The following FHIT variants were observed in gnomAD, a reference collection of about 807,000 sequenced individuals.
FHIT encodes the protein fragile histidine triad diadenosine triphosphatase.
A neutral mutation model predicts 17.9 loss-of-function variants in FHIT; 19 were observed. The ratio of observed to expected loss-of-function variants is 1.06; its 90% CI spans 0.74 to 1.56. FHIT has a LOEUF of 1.56. FHIT is among the 40% of genes most tolerant of loss of function. FHIT has a pLI of 0.00. For synonymous variants in FHIT, 81 were observed against 69.7 expected, an observed-to-expected ratio of 1.16 and a Z score of -0.81; for missense variants, 248 against 189.2, an observed-to-expected ratio of 1.31 and a Z score of -1.82.
At chr3:60,777,993 C>A (rs190655680) in intron 4 of FHIT, among the ~76,000 whole-genome samples, 10 of 152,286 alleles carry the variant, frequency 6.6e-5, no homozygotes, top group Non-Finnish European at 1.0e-4. Context: ...CATGGCTTTT[C>A]AAATACTTCA....
At chr3:60,798,752 C>CTTTTTTTTTTTTTT (rs35159710) in intron 4 of FHIT, among the ~76,000 whole-genome samples, 2 of 105,476 alleles carry the variant, frequency 1.9e-5, no homozygotes, top group African/African-American at 3.5e-5. Flanking sequence ...ACTGCAATAG[C>CTTTTTTTTTTTTTT]TTTTTTTTTT....
Position 60,166,094 on chromosome 3 carries a change from T to C in FHIT, c.104-151942A>G, listed in dbSNP as rs188956695. On this transcript the variant is annotated intron_variant, in intron 5 of 9. Coordinates refer to ENST00000492590, the MANE Select transcript of FHIT (RefSeq NM_002012.4). ...TGTGCTCTTTTTTCTACCTCCAATA[T>C]TATGTTTAAGCAAATCATGAGAATC... 1.9e-3 allele frequency among the ~76,000 whole-genome samples: 296 copies of C among 152,216 alleles called. 1 individual carries two copies. Among genetic ancestry groups the C allele is most frequent in the African/African-American group, 6.6e-3 (274 of 41,534 alleles).
chr3:60,602,832 C>G (rs1418691332), intron 4 of FHIT, among the ~76,000 whole-genome samples: 3 of 152,118 alleles, frequency 2.0e-5, no homozygotes, highest in Non-Finnish European at 4.4e-5. Context: ...AAAAAGACCT[C>G]AGAGAGCTAG....
intron 5 of FHIT, among the ~76,000 whole-genome samples, chr3:60,367,043 G>C (rs926296158): frequency 6.6e-6 from 1 of 152,182 alleles, no homozygotes; most frequent in South Asian, 2.1e-4. Context: ...AAGAAAAGGA[G>C]AGGTTTTTGT....
intron 5 of FHIT, among the ~76,000 whole-genome samples, chr3:60,198,278 T>C (rs150042600): frequency 3.3e-5 from 5 of 152,300 alleles, no homozygotes; most frequent in Non-Finnish European, 4.4e-5. Flanking sequence ...CAAATGGTTA[T>C]TGTAAAATCT....
chr3:60,972,448 G>A (rs574529720), intron 3 of FHIT, among the ~76,000 whole-genome samples: 1 of 151,858 alleles, frequency 6.6e-6, no homozygotes, highest in African/African-American at 2.4e-5. Context: ...ATGTCTCATT[G>A]GTGTGCCTTT....
At chr3:60,946,972 C>T (rs1159685702) in intron 3 of FHIT, among the ~76,000 whole-genome samples, 1 of 152,120 alleles carries the variant, frequency 6.6e-6, no homozygotes, top group East Asian at 1.9e-4. Flanking sequence ...TTGATTTGAA[C>T]GAATTTAAAT....
chr3:60,839,109 T>C (rs1431990666), intron 3 of FHIT, among the ~76,000 whole-genome samples: 1 of 152,106 alleles, frequency 6.6e-6, no homozygotes, highest in Non-Finnish European at 1.5e-5. Context: ...CTAGAGGGCC[T>C]CATCCTCTAC....
chr3:60,295,478 G>C (rs1187552397), intron 5 of FHIT, among the ~76,000 whole-genome samples: 1 of 151,984 alleles, frequency 6.6e-6, no homozygotes, highest in Non-Finnish European at 1.5e-5. Flanking sequence ...GAGGGTAAAG[G>C]TGCCAGGTAG....
intron 3 of FHIT, among the ~76,000 whole-genome samples, chr3:61,007,250 C>A (rs925837917): frequency 6.6e-6 from 1 of 152,190 alleles, no homozygotes; most frequent in Admixed American, 6.5e-5. Context: ...CAAAGTTAGA[C>A]CCTGTCATTC....
chr3:61,066,442 C>T (rs2034612413), intron 2 of FHIT, among the ~76,000 whole-genome samples: 2 of 152,068 alleles, frequency 1.3e-5, no homozygotes, highest in African/African-American at 2.4e-5. Context: ...AGTGAAACCC[C>T]ATCTCTACTA....
intron 1 of FHIT, among the ~76,000 whole-genome samples, chr3:61,205,315 A>G (rs924047426): frequency 1.3e-5 from 2 of 152,144 alleles, no homozygotes; most frequent in African/African-American, 2.4e-5. Context: ...AGCATGATTT[A>G]TAATCCTTTT....
intron 8 of FHIT, among the ~76,000 whole-genome samples, chr3:59,854,679 T>A (rs1441472755): frequency 2.6e-5 from 4 of 152,168 alleles, no homozygotes; most frequent in Non-Finnish European, 4.4e-5. Flanking sequence ...AATAGAATTG[T>A]TTTTCACAGG....
chr3:60,009,270 T>C, intron 7 of FHIT, among the ~76,000 whole-genome samples: 2 of 147,540 alleles, frequency 1.4e-5, no homozygotes. Flanking sequence ...TACAAACGAG[T>C]CAAGATATCC....
At chr3:59,879,247 T>C (rs558240199) in intron 8 of FHIT, among the ~76,000 whole-genome samples, 1 of 152,290 alleles carries the variant, frequency 6.6e-6, no homozygotes, top group South Asian at 2.1e-4. Flanking sequence ...AATGACAAAT[T>C]TGCCATCTGA....
At chr3:59,894,910 G>C (rs1704003219) in intron 8 of FHIT, among the ~76,000 whole-genome samples, 1 of 152,204 alleles carries the variant, frequency 6.6e-6, no homozygotes, top group Admixed American at 6.5e-5. Flanking sequence ...CCACTAACAG[G>C]AAAGGAAACA....
chr3:59,865,124 T>TA (rs958697113), intron 8 of FHIT, among the ~76,000 whole-genome samples: 2 of 152,156 alleles, frequency 1.3e-5, no homozygotes, highest in African/African-American at 2.4e-5. Flanking sequence ...CAATTTCATT[T>TA]AAAAAAAGAA....
intron 7 of FHIT, among the ~76,000 whole-genome samples, chr3:59,934,537 A>C (rs1706135506): frequency 6.6e-6 from 1 of 152,066 alleles, no homozygotes; most frequent in Non-Finnish European, 1.5e-5. Context: ...TAAATTCTTA[A>C]AGCTATTTAA....
chr3:60,985,361 G>A lies in FHIT; in HGVS notation c.-111+56686C>T, dbSNP rs114634103. Among the ~76,000 whole-genome samples, 245 of 151,856 alleles carry A rather than the reference G, an allele frequency of 1.6e-3. 1 individual carries two copies. Among genetic ancestry groups the A allele is most frequent in the African/African-American group, 5.7e-3 (236 of 41,394 alleles). On this transcript the variant is annotated intron_variant, in intron 3 of 9. Coordinates refer to ENST00000492590, the MANE Select transcript of FHIT (RefSeq NM_002012.4). ...ACTTACAGTGGTCAGCCTTTGTTTT[G>A]TCTCTCCAGCAAGCTATCCGATCCT...
Sources: gnomAD v4.1 joint callset for allele counts (sites outside exome capture counted in the v4.1 genomes callset) on GRCh38, gnomAD v4.1.1 for gene constraint, MANE v1.5 for transcripts, NCBI Gene and HGNC (gene_info 2026-07-23, HGNC 2026-07-21) for gene names.